GRID2: variants seen among roughly 807,000 people sequenced by gnomAD.
GRID2 encodes the protein glutamate receptor ionotropic, delta-2.
Under a neutral mutation model 114.8 loss-of-function variants are expected in GRID2, and 33 were observed. That is an observed-to-expected ratio of 0.29 (90% confidence interval 0.22 to 0.38). The LOEUF (loss-of-function observed/expected upper bound fraction) is 0.38. GRID2 is among the 10% of genes least tolerant of loss of function. The probability of loss-of-function intolerance (pLI) is 1.00; values close to 1 mark genes in which losing one functional copy is unlikely to be tolerated. For missense variants in GRID2, 1,184 were observed against 1,257.7 expected, an observed-to-expected ratio of 0.94 and a Z score of 0.89; for synonymous variants, 505 against 449.9, an observed-to-expected ratio of 1.12 and a Z score of -1.55.
In GRID2 at chr4:93,695,204, C is replaced by T. The variant is rs111686645; in HGVS notation, c.2360+68769C>T. Among the ~76,000 whole-genome samples the T allele has an allele frequency of 3.1e-3, 477 of 151,682 alleles. 4 individuals are homozygous for T. The highest frequency in any genetic ancestry group is 0.011 in the African/African-American group (457 of 41,370). The stretch of plus-strand genomic sequence containing the variant: ...AAAAAAAAAAATGGTTACTGAGCGC[C>T]ATGGAAGGGCACTGGAGGCTGGAAA... On this transcript the variant is annotated intron_variant, in intron 14 of 15. Coordinates refer to ENST00000282020, the MANE Select transcript of GRID2 (RefSeq NM_001510.4).
chr4:93,266,003 A>T (rs1750784608), intron 8 of GRID2, among the ~76,000 whole-genome samples: 1 of 152,172 alleles, frequency 6.6e-6, no homozygotes, highest in Admixed American at 6.5e-5. Flanking sequence ...CCTGCAGCTC[A>T]GGGAGCAAGG....
chr4:92,795,605 T>C (rs537752755), intron 2 of GRID2, among the ~76,000 whole-genome samples: 2 of 152,146 alleles, frequency 1.3e-5, no homozygotes, highest in African/African-American at 2.4e-5. Context: ...TCTCTAAAAA[T>C]GTGTCTATAC....
intron 2 of GRID2, among the ~76,000 whole-genome samples, chr4:92,734,834 T>A (rs1421559195): frequency 6.6e-6 from 1 of 151,156 alleles, no homozygotes; most frequent in Non-Finnish European, 1.5e-5. Context: ...CCTGGAGTGC[T>A]GTGATGCAAT....
chr4:92,748,391 C>T (rs932988031), intron 2 of GRID2, among the ~76,000 whole-genome samples: 19 of 152,028 alleles, frequency 1.2e-4, no homozygotes, highest in Non-Finnish European at 2.4e-4. Flanking sequence ...TCTAGTTTCC[C>T]GCTACTTTCC....
chr4:92,422,842 G>A (rs1731971216), intron 1 of GRID2, among the ~76,000 whole-genome samples: 1 of 152,106 alleles, frequency 6.6e-6, no homozygotes, highest in Non-Finnish European at 1.5e-5. Context: ...ATTTGTTTTG[G>A]GAAAGAACTG....
At chr4:92,333,134 C>A (rs191568868) in intron 1 of GRID2, among the ~76,000 whole-genome samples, 60 of 152,344 alleles carry the variant, frequency 3.9e-4, no homozygotes, top group African/African-American at 1.4e-3. Flanking sequence ...TCTGAGACAT[C>A]CTTTGAAATC....
rs535359843 is a variant in GRID2, at chr4:93,161,693, A to G, written c.736-45711A>G. 1.7e-4 allele frequency among the ~76,000 whole-genome samples: 26 copies of G among 151,916 alleles called. No homozygotes were observed. The South Asian group carries it at 4.6e-3, about 27-fold the overall frequency. On this transcript the variant is annotated intron_variant, in intron 4 of 15. Coordinates refer to ENST00000282020, the MANE Select transcript of GRID2 (RefSeq NM_001510.4). ...TAACAATTTTAAAAATGTGTAAATCATAGTTTTTATGTGACTGAAACTATC... is the reference window on the plus strand; with the variant it reads ...TAACAATTTTAAAAATGTGTAAATCGTAGTTTTTATGTGACTGAAACTATC...
intron 2 of GRID2, among the ~76,000 whole-genome samples, chr4:92,701,894 A>G (rs1734691935): frequency 6.6e-6 from 1 of 152,166 alleles, no homozygotes; most frequent in South Asian, 2.1e-4. Context: ...ACCTATGCTA[A>G]GACTAAACCA....
At chr4:93,347,313 G>A (rs914799664) in intron 8 of GRID2, among the ~76,000 whole-genome samples, 4 of 151,828 alleles carry the variant, frequency 2.6e-5, no homozygotes, top group African/African-American at 9.7e-5. Context: ...TCAACCACCA[G>A]GATTAATAAT....
chr4:93,725,252 C>A (rs188720029), intron 14 of GRID2, among the ~76,000 whole-genome samples: 5 of 152,174 alleles, frequency 3.3e-5, no homozygotes, highest in African/African-American at 9.6e-5. Context: ...TCTGTCCTTG[C>A]GATAGTTTGC....
chr4:92,396,896 CT>C (rs1730516158), intron 1 of GRID2, among the ~76,000 whole-genome samples: 1 of 152,000 alleles, frequency 6.6e-6, no homozygotes, highest in African/African-American at 2.4e-5. Flanking sequence ...TTTTTATTTG[CT>C]TCTCTGAAGC....
intron 14 of GRID2, among the ~76,000 whole-genome samples, chr4:93,718,092 A>G (rs1459086698): frequency 1.3e-5 from 2 of 152,166 alleles, no homozygotes; most frequent in African/African-American, 2.4e-5. Flanking sequence ...GGTCTCTACT[A>G]AAAATACAAA....
At chr4:93,427,450 G>A (rs1254920913) in intron 10 of GRID2, among the ~76,000 whole-genome samples, 1 of 151,848 alleles carries the variant, frequency 6.6e-6, no homozygotes, top group East Asian at 1.9e-4. Context: ...AAAATTAACA[G>A]GATTAACTCG....
chr4:92,587,844 C>T (rs1381908798), intron 1 of GRID2, among the ~76,000 whole-genome samples: 2 of 152,112 alleles, frequency 1.3e-5, no homozygotes, highest in Admixed American at 6.6e-5. Flanking sequence ...ATGCTTCCAT[C>T]AAAAATGTAT....
At chr4:92,457,154 T>C (rs2149084170) in intron 1 of GRID2, among the ~76,000 whole-genome samples, 1 of 152,270 alleles carries the variant, frequency 6.6e-6, no homozygotes, top group East Asian at 1.9e-4. Flanking sequence ...TTTTGTTCTC[T>C]ATTTTTACTA....
Position 93,626,327 on chromosome 4 carries a change from T to C in GRID2, c.2252T>C (p.Ile751Thr). The C allele has an allele frequency of 6.2e-7, 1 of 1,602,614 alleles. No homozygotes were observed. The highest frequency in any genetic ancestry group is 1.7e-5 in the Admixed American group (1 of 59,964). ...WDAAVLEYVA[I>T]NDPDCSFYTI... ...GCAGCTGTATTGGAATATGTGGCTA[T>C]CAATGACCCAGATTGTTCCTTTTAC... is the stretch of plus-strand genomic sequence containing the variant. The change falls in exon 14 of 16, where the codon ATC (isoleucine) becomes ACC (threonine). Residue 751 changes from isoleucine (I) to threonine (T), a missense_variant. Ile to Thr is a moderately conservative substitution (Grantham distance 89). Around this residue, in one of 3 missense-constraint regions of GRID2, gnomAD observed 717 missense variants for 796.9 expected, o/e 0.90. Coordinates refer to ENST00000282020, the MANE Select transcript of GRID2 (RefSeq NM_001510.4).
chr4:92,542,232 G>T (rs950264141), intron 1 of GRID2, among the ~76,000 whole-genome samples: 2 of 152,066 alleles, frequency 1.3e-5, no homozygotes, highest in Non-Finnish European at 2.9e-5. Context: ...AGGATCACTT[G>T]AGCCCAGGAG....
chr4:92,626,250 G>A (rs1730515190), intron 2 of GRID2, among the ~76,000 whole-genome samples: 1 of 151,858 alleles, frequency 6.6e-6, no homozygotes. Flanking sequence ...ATTGTGGTAA[G>A]AGCATCACAC....
At chr4:92,500,314 C>T (rs780704817) in intron 1 of GRID2, among the ~76,000 whole-genome samples, 4 of 151,966 alleles carry the variant, frequency 2.6e-5, no homozygotes, top group Non-Finnish European at 5.9e-5. Context: ...TCCACTTGAT[C>T]TCCCAGCGCA....
Sources: allele counts gnomAD v4.1 joint callset (sites outside exome capture counted in the v4.1 genomes callset), GRCh38; gene constraint gnomAD v4.1.1; regional missense constraint gnomAD v4.1.1; transcripts MANE v1.5; gene names NCBI Gene and HGNC (gene_info 2026-07-23, HGNC 2026-07-21).